The following GLUL variants were observed in gnomAD, a reference collection of about 807,000 sequenced individuals.
GLUL encodes the protein glutamine synthetase.
In GLUL, 8 loss-of-function variants were observed where a neutral mutation model predicts 36.9. The observed-to-expected ratio is 0.22, with a 90% CI of 0.13 to 0.39. The LOEUF (loss-of-function observed/expected upper bound fraction) is 0.39, where lower values mean the gene tolerates loss of function less well. Ranked by LOEUF, GLUL falls within the 10% of genes least tolerant of loss-of-function variation. The probability of loss-of-function intolerance (pLI) is 1.00; values close to 1 mark genes in which losing one functional copy is unlikely to be tolerated. For missense variants in GLUL, 315 were observed against 501.8 expected, an observed-to-expected ratio of 0.63 and a Z score of 3.56; for synonymous variants, 182 against 172.8, an observed-to-expected ratio of 1.05 and a Z score of -0.42.
intron 4 of GLUL, 120 bp from the exon 5 acceptor site, chr1:182,386,007 G>A (rs1650164242): frequency 9.2e-7 from 1 of 1,090,030 alleles, no homozygotes. Flanking sequence ...TCATCTGCAG[G>A]TGCGGGGCAG....
chr1:182,387,091 C>CA, intron 3 of GLUL, 40 bp downstream of exon 3: 2 of 1,517,038 alleles, frequency 1.3e-6, no homozygotes, highest in South Asian at 2.2e-5. Flanking sequence ...ACAGCATTCA[C>CA]AGATTGAGGA....
Position 182,383,545 on chromosome 1 carries a change from A to G in GLUL, c.*860T>C, listed in dbSNP as rs1043547767. ...GAGGGTGGGCAGGGCAGAAACCCAA[A>G]AGGGTCTTGAGGGCCTAATCCCAGA... On this transcript the variant is annotated 3_prime_UTR_variant, in exon 7 of 7. Coordinates refer to ENST00000331872, the MANE Select transcript of GLUL (RefSeq NM_001033044.4). 6.6e-6 allele frequency: 1 copy of G among 152,260 alleles called. No individual in the cohort carries two copies. The highest frequency in any genetic ancestry group is 2.1e-4 in the South Asian group (1 of 4,826). 9.4% of individuals were successfully genotyped at this position (152,260 alleles called of 1,614,324 possible).
rs948591083 is a variant in GLUL, at chr1:182,382,938, C to G, written c.*1467G>C. The G allele has an allele frequency of 6.6e-6, 1 of 151,984 alleles. No homozygotes were observed. Among genetic ancestry groups the G allele is most frequent in the African/African-American group, 2.4e-5 (1 of 41,266 alleles). The allele number at this position is 151,984 out of a possible 1,614,324, so 9.4% of individuals were successfully genotyped here. On this transcript the variant is annotated 3_prime_UTR_variant, in exon 7 of 7. Coordinates refer to ENST00000331872, the MANE Select transcript of GLUL (RefSeq NM_001033044.4). The stretch of plus-strand genomic sequence containing the variant: ...ATAAGTGCTGCTTTGGGCAGTTACA[C>G]AGTTTGTTTACAATGAGGAGTTATT...
Position 182,383,333 on chromosome 1 carries a change from G to A in GLUL, c.*1072C>T, listed in dbSNP as rs1650019675. The A allele has an allele frequency of 1.3e-5, 2 of 152,154 alleles. No individual in the cohort carries two copies. The highest frequency in any genetic ancestry group is 6.6e-5 in the Admixed American group (1 of 15,266). The allele number at this position is 152,154 out of a possible 1,614,324, so 9.4% of individuals were successfully genotyped here. A position where few individuals can be genotyped will look rare whatever the true frequency, so the allele number is the denominator to read the frequency against. On this transcript the variant is annotated 3_prime_UTR_variant, in exon 7 of 7. Transcript: ENST00000331872. ...ATTTAATATCAAAAGGCCTGCTTTAGTGACATGCTATTCCTACCAGAAAAT... is the reference window on the plus strand; with the variant it reads ...ATTTAATATCAAAAGGCCTGCTTTAATGACATGCTATTCCTACCAGAAAAT...
rs1380092577 is a variant in GLUL at position 182,378,945 on chromosome 1, C to G, written c.*5460G>C. On this transcript the variant is annotated 3_prime_UTR_variant, in exon 7 of 7. Transcript: ENST00000331872. ...TACAGGTGCTCACCACCAAGCCCGGCTAATTTTTGTATTTTTAGTAGAGAT... is the reference window on the plus strand; with the variant it reads ...TACAGGTGCTCACCACCAAGCCCGGGTAATTTTTGTATTTTTAGTAGAGAT... 6.6e-6 allele frequency among the ~76,000 whole-genome samples: 1 copy of G among 151,868 alleles called. No homozygotes were observed. The highest frequency in any genetic ancestry group is 1.5e-5 in the Non-Finnish European group (1 of 67,974).
At chr1:182,385,976 C>A in intron 4 of GLUL, 89 bp from the exon 5 acceptor site, 2 of 1,330,618 alleles carry the variant, frequency 1.5e-6, no homozygotes, top group Non-Finnish European at 1.1e-6. Context: ...GCCTTGCCCT[C>A]TTGAATCACT....
At chr1:182,387,834 C>T (rs750409776) in intron 2 of GLUL, among the ~76,000 whole-genome samples, 1 of 152,156 alleles carries the variant, frequency 6.6e-6, no homozygotes, top group Non-Finnish European at 1.5e-5. Flanking sequence ...AAGGCAGAGA[C>T]GAGACTCTCA....
In GLUL at chr1:182,383,640, T is replaced by C. The variant is rs1227195822; in HGVS notation, c.*765A>G. ...ATGCTTTATTTCTAATCCGACTATT[T>C]GTCTCAAATTTGGTGCCCCGTGACC... On this transcript the variant is annotated 3_prime_UTR_variant, in exon 7 of 7. Coordinates refer to ENST00000331872, the MANE Select transcript of GLUL (RefSeq NM_001033044.4). 1 of 152,258 alleles carries C rather than the reference T, an allele frequency of 6.6e-6. No individual in the cohort carries two copies. The highest frequency in any genetic ancestry group is 1.5e-5 in the Non-Finnish European group (1 of 68,058). 9.4% of individuals were successfully genotyped at this position (152,258 alleles called of 1,614,324 possible).
chr1:182,390,376 A>ACTC (rs1226421240), intron 1 of GLUL: 3 of 397,662 alleles, frequency 7.5e-6, no homozygotes, highest in Non-Finnish European at 1.3e-5. Flanking sequence ...GCCTAGTGCC[A>ACTC]CTCTATCAAC....
In GLUL at chr1:182,386,904, T is replaced by G. The variant is rs1650206394; in HGVS notation, c.328+227A>C. 4 of 595,758 alleles carry G rather than the reference T, an allele frequency of 6.7e-6. No homozygotes were observed. In the East Asian group the frequency reaches 1.2e-4, roughly 17 times the overall value. The allele number at this position is 595,758 out of a possible 1,614,324, so 36.9% of individuals were successfully genotyped here. ...GGACTCCAAGACCGGCAAACAGATCTGGACAAATCCAATGCTATTTTATGC... is the reference window on the plus strand; with the variant it reads ...GGACTCCAAGACCGGCAAACAGATCGGGACAAATCCAATGCTATTTTATGC... On this transcript the variant is annotated intron_variant, in intron 3 of 6. Transcript: ENST00000331872.
Position 182,380,085 on chromosome 1 carries a change from T to A in GLUL, c.*4320A>T, listed in dbSNP as rs1307266685. On this transcript the variant is annotated 3_prime_UTR_variant, in exon 7 of 7. Coordinates refer to ENST00000331872, the MANE Select transcript of GLUL (RefSeq NM_001033044.4). ...CTGGTCTCAAACTCCCGATCTCAGG[T>A]GATCCACCTGCCTCGGCCTCTCAAG... Among the ~76,000 whole-genome samples the A allele has an allele frequency of 1.3e-5, 2 of 152,048 alleles. No individual in the cohort carries two copies. The highest frequency in any genetic ancestry group is 6.6e-5 in the Admixed American group (1 of 15,262).
intron 5 of GLUL, 43 bp from the exon 6 acceptor site, chr1:182,385,599 C>A: frequency 6.4e-7 from 1 of 1,574,146 alleles, no homozygotes; most frequent in South Asian, 1.1e-5. Context: ...GCTAACTGCT[C>A]ACTCCAACTC....
At position 182,385,898 on chromosome 1, in the gene GLUL, A is replaced by G. The variant is rs761053506; in HGVS notation, c.476-11T>C. The G allele has an allele frequency of 1.2e-5, 19 of 1,613,410 alleles. No individual in the cohort carries two copies. In the Admixed American group the frequency reaches 2.3e-4, roughly 20 times the overall value. On this transcript the variant is annotated splice_polypyrimidine_tract_variant and intron_variant, in intron 4 of 6. Transcript: ENST00000331872. ...CACAGTAATATGGACCTACAGAAGC[A>G]TCAGGACAAAACACTAAGAGTCAAG...
chr1:182,390,625 G>C (rs1388430130), intron 1 of GLUL: 1 of 399,352 alleles, frequency 2.5e-6, no homozygotes, highest in Non-Finnish European at 4.4e-6. Flanking sequence ...TTCTGGGAGA[G>C]GGCGATGGAG....
At chr1:182,386,787 C>T (rs1650200404) in intron 3 of GLUL, 1 of 454,552 alleles carries the variant, frequency 2.2e-6, no homozygotes, top group South Asian at 2.1e-5. Context: ...ATTTCTCAGG[C>T]ACTTGGAGCC....
chr1:182,382,637 G>C lies in GLUL; in HGVS notation c.*1768C>G, dbSNP rs1445550252. 2 of 152,362 alleles carry C rather than the reference G, an allele frequency of 1.3e-5. No individual in the cohort carries two copies. The highest frequency in any genetic ancestry group is 2.9e-5 in the Non-Finnish European group (2 of 68,232). The allele number at this position is 152,362 out of a possible 1,614,324, so 9.4% of individuals were successfully genotyped here. A position where few individuals can be genotyped will look rare whatever the true frequency, so the allele number is the denominator to read the frequency against. ...GGGGAGCAAAGGAAGGGGGAGGAGT[G>C]GGGCTTGTACCCTGCTACAAACCTC... On this transcript the variant is annotated 3_prime_UTR_variant, in exon 7 of 7. Transcript: ENST00000331872.
Position 182,384,685 on chromosome 1 carries a change from T to C in GLUL, c.842A>G (p.His281Arg). ...ATCATAGGCACGGATGTGGTACTGG[T>C]GCCGCTTGCTTAGTTTCTCAATGGC... is the stretch of plus-strand genomic sequence containing the variant. ...EEAIEKLSKR[H>R]QYHIRAYDPK... is the part of the protein sequence containing the mutation. Residue 281 changes from histidine (H) to arginine (R), a missense_variant, in exon 7 of 7, where the codon CAC becomes CGC. By Grantham distance (29) the His-to-Arg change is conservative. Transcript: ENST00000331872. The C allele has an allele frequency of 6.2e-7, 1 of 1,614,138 alleles. No individual in the cohort carries two copies. Among genetic ancestry groups the C allele is most frequent in the Non-Finnish European group, 8.5e-7 (1 of 1,180,002 alleles).
At chr1:182,389,773 G>C (rs1285541726) in intron 1 of GLUL, 1 of 152,234 alleles carries the variant, frequency 6.6e-6, no homozygotes, top group East Asian at 1.9e-4. Flanking sequence ...CCAACGACTA[G>C]GGCAACGTTC....
At chr1:182,388,835 C>T in intron 1 of GLUL, 85 bp from the exon 2 acceptor site, 1 of 1,038,336 alleles carries the variant, frequency 9.6e-7, no homozygotes, top group South Asian at 1.3e-5. Flanking sequence ...ACGACTGAAT[C>T]AAAAGTCAGA....
Sources: allele counts gnomAD v4.1 joint callset (sites outside exome capture counted in the v4.1 genomes callset), GRCh38; gene constraint gnomAD v4.1.1; transcripts MANE v1.5; gene names NCBI Gene and HGNC (gene_info 2026-07-23, HGNC 2026-07-21).